The following MEGF11 variants were observed in gnomAD, a reference collection of about 807,000 sequenced individuals.
MEGF11 encodes multiple EGF like domains 11.
A neutral mutation model predicts 146.6 loss-of-function variants in MEGF11; 126 were observed. The observed-to-expected ratio is 0.86, with a 90% confidence interval of 0.74 to 1.00. The LOEUF (loss-of-function observed/expected upper bound fraction) is 1.00. Among genes scored for constraint, MEGF11 ranks in the 50% least tolerant of loss-of-function variants. The pLI is 0.00. For synonymous variants in MEGF11, 532 were observed against 583.4 expected (o/e 0.91, Z 1.27); for missense variants, 1,509 against 1,521.2 (o/e 0.99, Z 0.13).
intron 4 of MEGF11, among the ~76,000 whole-genome samples, chr15:66,106,490 A>G (rs1384304859): frequency 4.6e-5 from 7 of 152,136 alleles, no homozygotes; most frequent in Admixed American, 4.6e-4. Context: ...AGCTCTTTAC[A>G]TACCGTCACT....
chr15:65,974,064 G>C (rs1049307878), intron 7 of MEGF11, among the ~76,000 whole-genome samples: 3 of 152,194 alleles, frequency 2.0e-5, no homozygotes, highest in African/African-American at 7.2e-5. Flanking sequence ...GATCAAGGAT[G>C]TTCCTCCAAT....
At chr15:65,969,520 T>C (rs2081231505) in intron 8 of MEGF11, among the ~76,000 whole-genome samples, 1 of 152,202 alleles carries the variant, frequency 6.6e-6, no homozygotes, top group Non-Finnish European at 1.5e-5. Flanking sequence ...CTTAAAAGAC[T>C]TCCAGCTGGA....
At chr15:66,212,862 A>G (rs2091497817) in intron 1 of MEGF11, among the ~76,000 whole-genome samples, 1 of 152,200 alleles carries the variant, frequency 6.6e-6, no homozygotes, top group Non-Finnish European at 1.5e-5. Context: ...TTTACCTTAA[A>G]CCACGGAACA....
chr15:65,960,115 A>G (rs2080805911), intron 9 of MEGF11, among the ~76,000 whole-genome samples: 1 of 152,254 alleles, frequency 6.6e-6, no homozygotes, highest in Admixed American at 6.5e-5. Flanking sequence ...AAATCTTTCA[A>G]ATATGAAAAT....
intron 5 of MEGF11, among the ~76,000 whole-genome samples, chr15:66,084,539 C>A (rs1056371386): frequency 1.8e-4 from 27 of 152,168 alleles, no homozygotes; most frequent in Middle Eastern, 3.2e-3. Context: ...ACACACCCCC[C>A]CACTGGAGAG....
intron 15 of MEGF11, among the ~76,000 whole-genome samples, chr15:65,918,837 C>T (rs2079084548): frequency 6.6e-6 from 1 of 152,208 alleles, no homozygotes; most frequent in Admixed American, 6.5e-5. Context: ...TTTGAGTATT[C>T]ATTGAGTATT....
intron 1 of MEGF11, among the ~76,000 whole-genome samples, chr15:66,183,507 A>C (rs1398081459): frequency 2.0e-5 from 3 of 149,696 alleles, no homozygotes; most frequent in Non-Finnish European, 3.0e-5. Context: ...CCTGCCACCA[A>C]CACCCCGTGC....
intron 1 of MEGF11, among the ~76,000 whole-genome samples, chr15:66,170,961 G>A (rs1303344924): frequency 6.6e-6 from 1 of 152,216 alleles, no homozygotes; most frequent in Non-Finnish European, 1.5e-5. Context: ...ACCACCAAAG[G>A]TGGACTTGAT....
chr15:66,004,638 A>G (rs375367073), intron 5 of MEGF11, among the ~76,000 whole-genome samples: 2 of 152,060 alleles, frequency 1.3e-5, no homozygotes, highest in African/African-American at 2.4e-5. Flanking sequence ...AGTGCAAACT[A>G]TGGATCAACA....
intron 5 of MEGF11, among the ~76,000 whole-genome samples, chr15:66,022,445 T>G (rs1230013010): frequency 6.6e-6 from 1 of 152,242 alleles, no homozygotes; most frequent in Non-Finnish European, 1.5e-5. Context: ...TGTGCATGCA[T>G]GCAGGCACAC....
chr15:66,117,618 C>T (rs544620691), intron 4 of MEGF11, among the ~76,000 whole-genome samples: 3 of 152,194 alleles, frequency 2.0e-5, no homozygotes, highest in Non-Finnish European at 2.9e-5. Flanking sequence ...CCTGAGCTTG[C>T]GCGGGCCGCT....
At chr15:65,942,525 A>ATGG (rs1210126866) in intron 10 of MEGF11, among the ~76,000 whole-genome samples, 3 of 152,048 alleles carry the variant, frequency 2.0e-5, no homozygotes, top group Non-Finnish European at 4.4e-5. Flanking sequence ...TGGTTTGATG[A>ATGG]TGATGATGAT....
intron 4 of MEGF11, among the ~76,000 whole-genome samples, chr15:66,118,229 G>C (rs942047541): frequency 6.6e-6 from 1 of 151,996 alleles, no homozygotes; most frequent in Non-Finnish European, 1.5e-5. Context: ...CATGTCACTG[G>C]GTCAGAGGTG....
chr15:65,913,910 C>T lies in MEGF11; in HGVS notation c.2537G>A (p.Arg846Gln), dbSNP rs1567153071. 6.8e-6 allele frequency: 11 copies of T among 1,613,936 alleles called. No homozygotes were observed. The highest frequency in any genetic ancestry group is 2.2e-5 in the East Asian group (1 of 44,898). The change falls in exon 20 of 26, where the codon CGG becomes CAG. Residue 846 changes from arginine (R) to glutamine (Q), a missense_variant. Arg to Gln is a conservative substitution (Grantham distance 43). Transcript: ENST00000395614. ...TKISPALGAE[R>Q]HSVGAVTGIM... ...GCCTGTGACAGCACCCACCGAGTGCCGCTCTGCACCCAGTGCTGGGCTGAT... is the reference window on the plus strand; with the variant it reads ...GCCTGTGACAGCACCCACCGAGTGCTGCTCTGCACCCAGTGCTGGGCTGAT...
At chr15:66,027,517 A>G (rs1177174001) in intron 5 of MEGF11, among the ~76,000 whole-genome samples, 1 of 152,144 alleles carries the variant, frequency 6.6e-6, no homozygotes, top group Non-Finnish European at 1.5e-5. Flanking sequence ...CCCGTTCACA[A>G]TGGCCAAGCC....
chr15:65,899,207 G>C (rs952911033), intron 24 of MEGF11, among the ~76,000 whole-genome samples: 2 of 152,178 alleles, frequency 1.3e-5, no homozygotes, highest in African/African-American at 4.8e-5. Context: ...AATATGCTTT[G>C]ACATGTATTT....
chr15:66,184,938 T>C (rs1023967614), intron 1 of MEGF11, among the ~76,000 whole-genome samples: 3 of 152,018 alleles, frequency 2.0e-5, no homozygotes, highest in South Asian at 2.1e-4. Flanking sequence ...CATATTCCTT[T>C]CCTTCCAAGC....
chr15:65,979,846 G>A (rs140444093), intron 7 of MEGF11, among the ~76,000 whole-genome samples: 25 of 152,298 alleles, frequency 1.6e-4, no homozygotes, highest in African/African-American at 5.1e-4. Context: ...TGTACTTGGG[G>A]GAAGGGGAGT....
rs899530583 is a variant in MEGF11, at chr15:65,929,475, A to C, written c.1572+245T>G. ...GTCAATAATGTTTACCAAGAGCAGC[A>C]CGGGAAAAGTGATGCCATGTCACCA... On this transcript the variant is annotated intron_variant, in intron 12 of 25. Transcript: ENST00000395614. Among the ~76,000 whole-genome samples, 8 of 152,342 alleles carry C rather than the reference A, an allele frequency of 5.3e-5. No homozygotes were observed. The East Asian group carries it at 1.5e-3, about 29-fold the overall frequency.
Sources: allele counts gnomAD v4.1 joint callset (sites outside exome capture counted in the v4.1 genomes callset), GRCh38; gene constraint gnomAD v4.1.1; transcripts MANE v1.5; gene names NCBI Gene and HGNC (gene_info 2026-07-23, HGNC 2026-07-21).